The following RABGAP1L variants were observed in gnomAD, a reference collection of about 807,000 sequenced individuals.
RABGAP1L encodes RAB GTPase activating protein 1 like.
Under a neutral mutation model 137.7 loss-of-function variants are expected in RABGAP1L, and 63 were observed. That is an observed-to-expected ratio of 0.46 (90% CI 0.37 to 0.56). The LOEUF (loss-of-function observed/expected upper bound fraction) is 0.56. Among genes scored for constraint, RABGAP1L ranks in the 20% least tolerant of loss-of-function variants. The pLI is 0.00. For synonymous variants in RABGAP1L, 431 were observed against 433.7 expected (o/e 0.99, Z 0.08); for missense variants, 1,095 against 1,244.0 (o/e 0.88, Z 1.80).
chr1:174,195,699 T>C (rs1214068138), intron 1 of RABGAP1L, among the ~76,000 whole-genome samples: 1 of 112,506 alleles, frequency 8.9e-6, no homozygotes, highest in Non-Finnish European at 1.7e-5. Flanking sequence ...CTTCTTTCCT[T>C]CTTTCCTTCT....
chr1:174,400,932 C>G (rs1648502134), intron 13 of RABGAP1L, among the ~76,000 whole-genome samples: 1 of 151,942 alleles, frequency 6.6e-6, no homozygotes, highest in African/African-American at 2.4e-5. Context: ...AAATAAAGTT[C>G]TTCATATCAT....
chr1:174,688,181 ATC>A (rs1488002437), intron 15 of RABGAP1L, among the ~76,000 whole-genome samples: 2 of 152,126 alleles, frequency 1.3e-5, no homozygotes, highest in African/African-American at 2.4e-5. Flanking sequence ...ATTAGTCTTT[ATC>A]TCTTAGTCTT....
intron 11 of RABGAP1L, among the ~76,000 whole-genome samples, chr1:174,327,968 TATATATATATACACACAC>T (rs1193254020): frequency 3.5e-4 from 5 of 14,318 alleles, no homozygotes; most frequent in East Asian, 8.1e-3. Context: ...TATATATATA[TATATATATATACACACAC>T]ATATATATAT....
chr1:174,708,131 T>G (rs1438978153), intron 17 of RABGAP1L, among the ~76,000 whole-genome samples: 1 of 152,204 alleles, frequency 6.6e-6, no homozygotes, highest in African/African-American at 2.4e-5. Flanking sequence ...CTGCTTCTCT[T>G]CTCTTCTCAG....
At chr1:174,572,109 C>T (rs1033893008) in intron 13 of RABGAP1L, among the ~76,000 whole-genome samples, 1 of 152,184 alleles carries the variant, frequency 6.6e-6, no homozygotes, top group African/African-American at 2.4e-5. Flanking sequence ...AGGGGATTTA[C>T]ATGGACATTT....
At chr1:174,637,916 T>C (rs1325406075) in intron 14 of RABGAP1L, among the ~76,000 whole-genome samples, 2 of 152,246 alleles carry the variant, frequency 1.3e-5, no homozygotes, top group African/African-American at 4.8e-5. Flanking sequence ...TATTCTGAGT[T>C]ACGTCACATC....
intron 14 of RABGAP1L, among the ~76,000 whole-genome samples, chr1:174,678,807 C>G (rs1677837960): frequency 6.6e-6 from 1 of 152,188 alleles, no homozygotes; most frequent in Non-Finnish European, 1.5e-5. Flanking sequence ...TTAGCCTGCA[C>G]AGGAACAATG....
chr1:174,239,327 T>C (rs944578880), intron 4 of RABGAP1L, among the ~76,000 whole-genome samples: 1 of 152,186 alleles, frequency 6.6e-6, no homozygotes, highest in Non-Finnish European at 1.5e-5. Flanking sequence ...TAGTACCACT[T>C]TCCTCTCCCT....
chr1:174,867,353 T>C (rs1330864207), intron 19 of RABGAP1L, among the ~76,000 whole-genome samples: 6 of 150,904 alleles, frequency 4.0e-5, no homozygotes, highest in Non-Finnish European at 8.9e-5. Context: ...AAAAAAAAGA[T>C]AGATAGATAG....
chr1:174,166,607 C>A (rs1219888696), intron 1 of RABGAP1L, among the ~76,000 whole-genome samples: 1 of 152,146 alleles, frequency 6.6e-6, no homozygotes, highest in East Asian at 1.9e-4. Flanking sequence ...AATTGGGTAG[C>A]TAGAAATGAA....
At chr1:174,583,256 A>AT (rs1262895251) in intron 13 of RABGAP1L, among the ~76,000 whole-genome samples, 2 of 152,176 alleles carry the variant, frequency 1.3e-5, no homozygotes. Flanking sequence ...TTCTATGTCC[A>AT]TATGTCAGAG....
intron 11 of RABGAP1L, among the ~76,000 whole-genome samples, chr1:174,355,353 TA>T (rs1683537518): frequency 6.6e-6 from 1 of 151,208 alleles, no homozygotes; most frequent in Non-Finnish European, 1.5e-5. Flanking sequence ...CTCAGCAAAC[TA>T]TCGCAAGGAC....
chr1:174,909,592 G>A (rs1295666325), intron 19 of RABGAP1L, among the ~76,000 whole-genome samples: 2 of 152,088 alleles, frequency 1.3e-5, no homozygotes, highest in African/African-American at 4.8e-5. Flanking sequence ...CAATAGAAAA[G>A]ATCAACAAAG....
chr1:174,187,675 G>A (rs912518574), intron 1 of RABGAP1L, among the ~76,000 whole-genome samples: 1 of 152,032 alleles, frequency 6.6e-6, no homozygotes. Flanking sequence ...AAACATGGGG[G>A]CAATGTTGCT....
At chr1:174,814,966 G>C (rs1259436819) in intron 19 of RABGAP1L, among the ~76,000 whole-genome samples, 1 of 152,142 alleles carries the variant, frequency 6.6e-6, no homozygotes, top group African/African-American at 2.4e-5. Context: ...GGGATTACAG[G>C]TGTGAGCCAC....
intron 13 of RABGAP1L, among the ~76,000 whole-genome samples, chr1:174,481,865 A>G (rs1659121309): frequency 6.6e-6 from 1 of 151,070 alleles, no homozygotes. Flanking sequence ...CCTAAAACTT[A>G]AAGTATAATA....
intron 13 of RABGAP1L, among the ~76,000 whole-genome samples, chr1:174,596,911 T>C (rs181658924): frequency 6.6e-6 from 1 of 152,190 alleles, no homozygotes; most frequent in Non-Finnish European, 1.5e-5. Flanking sequence ...TAGGTTTTTT[T>C]AAATTTAATC....
chr1:174,413,141 G>T (rs769140186), intron 13 of RABGAP1L, among the ~76,000 whole-genome samples: 1 of 152,036 alleles, frequency 6.6e-6, no homozygotes. Context: ...TTTTATCAAA[G>T]ACTTTGTTCA....
intron 1 of RABGAP1L, among the ~76,000 whole-genome samples, chr1:174,211,003 T>A (rs959587251): frequency 2.0e-5 from 3 of 152,138 alleles, no homozygotes; most frequent in Non-Finnish European, 4.4e-5. Context: ...AAATATCCTT[T>A]AAACATGAAG....
Sources: allele counts gnomAD v4.1 joint callset (sites outside exome capture counted in the v4.1 genomes callset), GRCh38; gene constraint gnomAD v4.1.1; transcripts MANE v1.5; gene names NCBI Gene and HGNC (gene_info 2026-07-23, HGNC 2026-07-21).